The following TRPV2 variants were observed in gnomAD, a reference collection of about 807,000 sequenced individuals.
TRPV2 encodes the protein OTRPC2.
TRPV2 carries 58 observed loss-of-function variants against 91.0 expected under a neutral mutation model. The ratio of observed to expected loss-of-function variants is 0.64; its 90% CI spans 0.52 to 0.79. The LOEUF is 0.79. Among genes scored for constraint, TRPV2 ranks in the 30% least tolerant of loss-of-function variants. The probability of loss-of-function intolerance (pLI) is 0.00; values close to 1 mark genes in which losing one functional copy is unlikely to be tolerated. For synonymous variants in TRPV2, 417 were observed against 414.8 expected, an observed-to-expected ratio of 1.01 and a Z score of -0.06; for missense variants, 807 against 969.6, an observed-to-expected ratio of 0.83 and a Z score of 2.23.
rs767154927 is a variant in TRPV2, at chr17:16,436,901, C to T, written c.*12C>T. On this transcript the variant is annotated 3_prime_UTR_variant, in exon 15 of 15. Transcript: ENST00000338560. ...TCCAGTCCAACTGATGGCCCAGATG[C>T]AGCAGGAGGCCAGAGGACAGAGCAG... 1 of 1,604,100 alleles carries T rather than the reference C, an allele frequency of 6.2e-7. No homozygotes were observed. The highest frequency in any genetic ancestry group is 8.5e-7 in the Non-Finnish European group (1 of 1,170,858).
chr17:16,426,421 G>A lies in TRPV2; in HGVS notation c.1095+152G>A, dbSNP rs1011904849. The A allele has an allele frequency of 2.0e-6, 2 of 991,400 alleles. No individual in the cohort carries two copies. The highest frequency in any genetic ancestry group is 2.9e-6 in the Non-Finnish European group (2 of 680,694). The allele number at this position is 991,400 out of a possible 1,614,324, so 61.4% of individuals were successfully genotyped here. A position where few individuals can be genotyped will look rare whatever the true frequency, so the allele number is the denominator to read the frequency against. On this transcript the variant is annotated intron_variant, in intron 6 of 14. Transcript: ENST00000338560. The surrounding 1 kb of genome is among the most constrained non-coding windows in gnomAD (Gnocchi z 6.0). ...TCCCAGCAGGCACGACCCTGACCAT[G>A]GCCACCGGGCCCATACTCAATCCAT...
chr17:16,420,359 C>A lies in TRPV2; in HGVS notation c.334+111C>A, dbSNP rs879081567. The A allele has an allele frequency of 5.7e-5, 77 of 1,344,274 alleles. 1 individual carries two copies. In the South Asian group the frequency reaches 1.1e-3, roughly 19 times the overall value. The allele number at this position is 1,344,274 out of a possible 1,614,324, so 83.3% of individuals were successfully genotyped here. A position where few individuals can be genotyped will look rare whatever the true frequency, so the allele number is the denominator to read the frequency against. ...GCTGAGGAGTGAGTGTTCTCAGCAG[C>A]CCTCCCACTGGAAGGATGGCTGGGG... On this transcript the variant is annotated intron_variant, in intron 3 of 14. Transcript: ENST00000338560.
At chr17:16,431,143 C>A (rs909581596) in intron 10 of TRPV2, among the ~76,000 whole-genome samples, 2 of 149,436 alleles carry the variant, frequency 1.3e-5, no homozygotes, top group African/African-American at 4.9e-5. Flanking sequence ...CCTTGACATT[C>A]TGGGCTCAAG....
At chr17:16,420,912 G>C (rs1416572691) in intron 3 of TRPV2, among the ~76,000 whole-genome samples, 1 of 152,060 alleles carries the variant, frequency 6.6e-6, no homozygotes, top group Non-Finnish European at 1.5e-5. Flanking sequence ...CACCGCGCAG[G>C]GCCTATCCAG....
At chr17:16,422,475 T>C (rs1202330477) in intron 3 of TRPV2, 124 bp from the exon 4 acceptor site, 11 of 915,368 alleles carry the variant, frequency 1.2e-5, no homozygotes, top group East Asian at 1.0e-4. Context: ...CCACCAGTTA[T>C]GTGTAGCATC....
In TRPV2 at chr17:16,417,644, G is replaced by T; in HGVS notation, c.-25G>T. 1 of 1,612,900 alleles carries T rather than the reference G, an allele frequency of 6.2e-7. No individual in the cohort carries two copies. The highest frequency in any genetic ancestry group is 1.1e-5 in the South Asian group (1 of 90,948). On this transcript the variant is annotated 5_prime_UTR_variant, in exon 2 of 15. Transcript: ENST00000338560. ...TCCATCTGCACAGAGGTCCTGGCTG[G>T]ACCGAGCAGCCTCCTCCTCCTAGGA...
chr17:16,422,236 C>A (rs1243094098), intron 3 of TRPV2, among the ~76,000 whole-genome samples: 2 of 148,730 alleles, frequency 1.3e-5, no homozygotes, highest in East Asian at 4.0e-4. Flanking sequence ...GGCAGGAAAA[C>A]GGCGTGAACC....
Position 16,426,795 on chromosome 17 carries a change from A to G in TRPV2, c.1169A>G (p.Lys390Arg). The G allele has an allele frequency of 1.2e-6, 2 of 1,614,028 alleles. No homozygotes were observed. Among genetic ancestry groups the G allele is most frequent in the Non-Finnish European group, 1.7e-6 (2 of 1,180,002 alleles). Residue 390 changes from lysine (K) to arginine (R), a missense_variant, in exon 7 of 15, where the codon AAG becomes AGG. Lys to Arg is a conservative substitution (Grantham distance 26, BLOSUM62 2). Transcript: ENST00000338560. This position sits in a 1 kb window ranked among gnomAD's most constrained non-coding sequence, Gnocchi z 6.0. ...LQAKWDLLIP[K>R]FFLNFLCNLI... is the part of the protein sequence containing the mutation. ...GCGAAATGGGATCTGCTCATCCCCAAGTTCTTCTTAAACTTCCTGTGTAAT... is the reference window on the plus strand; with the variant it reads ...GCGAAATGGGATCTGCTCATCCCCAGGTTCTTCTTAAACTTCCTGTGTAAT...
At chr17:16,431,658 A>G (rs2093413176) in intron 10 of TRPV2, 126 bp from the exon 11 acceptor site, 3 of 802,976 alleles carry the variant, frequency 3.7e-6, no homozygotes, top group Admixed American at 2.1e-5. Context: ...AGGCCCACAT[A>G]TGCATATGTA....
chr17:16,421,440 A>T (rs2093356375), intron 3 of TRPV2, among the ~76,000 whole-genome samples: 1 of 151,066 alleles, frequency 6.6e-6, no homozygotes, highest in Non-Finnish European at 1.5e-5. Context: ...GGATGGTCTC[A>T]ATCTCCTGAC....
At chr17:16,423,325 T>A in intron 4 of TRPV2, 144 bp from the exon 5 acceptor site, 4 of 907,530 alleles carry the variant, frequency 4.4e-6, no homozygotes, top group Non-Finnish European at 6.4e-6. Context: ...AGGCAGCAGG[T>A]TGGCTGGCCC....
At chr17:16,416,422 G>T (rs2093330831) in intron 1 of TRPV2, 1 of 153,550 alleles carries the variant, frequency 6.5e-6, no homozygotes, top group Non-Finnish European at 1.5e-5. Flanking sequence ...GGCCCATGAG[G>T]GTTCCCCAAC....
Position 16,428,882 on chromosome 17 carries a change from T to C in TRPV2, c.1487T>C (p.Leu496Pro). Residue 496 changes from leucine to proline, a missense_variant, in exon 10 of 15, where the codon CTG becomes CCG. By Grantham distance (98) the Leu-to-Pro change is moderately conservative. Coordinates refer to ENST00000338560, the MANE Select transcript of TRPV2 (RefSeq NM_016113.5). ...VLCFLAIEWY[L>P]PLLVSALVLG... ...TGTTTCCTGGCCATCGAGTGGTACC[T>C]GCCCCTGCTTGTGTCTGCGCTGGTG... 1.2e-6 allele frequency: 2 copies of C among 1,614,142 alleles called. No individual in the cohort carries two copies. Among genetic ancestry groups the C allele is most frequent in the East Asian group, 4.5e-5 (2 of 44,894 alleles).
intron 2 of TRPV2, 145 bp from the exon 3 acceptor site, chr17:16,419,970 C>T (rs1313085675): frequency 1.6e-5 from 20 of 1,221,178 alleles, no homozygotes; most frequent in Non-Finnish European, 2.0e-5. Context: ...GGATAGAGGC[C>T]CTCAGAAGGG....
chr17:16,431,678 A>T, intron 10 of TRPV2, 106 bp from the exon 11 acceptor site: 1 of 967,518 alleles, frequency 1.0e-6, no homozygotes, highest in Non-Finnish European at 1.7e-6. Context: ...ATGTGTGCGT[A>T]TGTGCAGTGT....
At chr17:16,431,924 C>T (rs748759722) in intron 11 of TRPV2, 42 bp from the exon 12 acceptor site, 17 of 1,612,154 alleles carry the variant, frequency 1.1e-5, no homozygotes, top group African/African-American at 2.7e-5. Context: ...AGGCTGCCCA[C>T]CGGTCTCCTG....
At chr17:16,417,981 T>C in intron 2 of TRPV2, 113 bp downstream of exon 2, 1 of 1,079,530 alleles carries the variant, frequency 9.3e-7, no homozygotes, top group South Asian at 1.6e-5. Flanking sequence ...CCACAGCCTG[T>C]GGAGTCCTCA....
intron 3 of TRPV2, among the ~76,000 whole-genome samples, chr17:16,422,127 AC>A (rs1222713803): frequency 6.6e-6 from 1 of 151,650 alleles, no homozygotes; most frequent in Non-Finnish European, 1.5e-5. Flanking sequence ...ACACGGTAAA[AC>A]CCGTCTCTGC....
At chr17:16,433,486 C>A (rs1361753445) in intron 12 of TRPV2, 88 bp from the exon 13 acceptor site, 15 of 1,545,670 alleles carry the variant, frequency 9.7e-6, no homozygotes, top group Non-Finnish European at 1.3e-5. Flanking sequence ...AAGTGCTGCG[C>A]GGCACTTCCC....
Sources: allele counts gnomAD v4.1 joint callset (sites outside exome capture counted in the v4.1 genomes callset), GRCh38; gene constraint gnomAD v4.1.1; non-coding constraint Gnocchi (gnomAD v3.1); transcripts MANE v1.5; gene names NCBI Gene and HGNC (gene_info 2026-07-23, HGNC 2026-07-21).